GPC5: variants seen among roughly 807,000 people sequenced by gnomAD.
GPC5 encodes glypican-5.
Under a neutral mutation model 53.9 loss-of-function variants are expected in GPC5, and 47 were observed. The observed-to-expected ratio is 0.87, with a 90% CI of 0.69 to 1.11. GPC5 has a LOEUF of 1.11. GPC5 is among the 50% of genes most tolerant of loss of function. The probability of loss-of-function intolerance (pLI) is 0.00; values close to 1 mark genes in which losing one functional copy is unlikely to be tolerated. For missense variants in GPC5, 748 were observed against 713.1 expected, an observed-to-expected ratio of 1.05 and a Z score of -0.56; for synonymous variants, 286 against 263.3, an observed-to-expected ratio of 1.09 and a Z score of -0.84.
Position 92,375,172 on chromosome 13 carries a change from G to A in GPC5, c.1561+230183G>A, listed in dbSNP as rs559648073. The stretch of plus-strand genomic sequence containing the variant: ...TATATAGTCCTAAAGACTAGTGAGA[G>A]TATCTTTGGCTAAGGGAGCATCTTT... On this transcript the variant is annotated intron_variant, in intron 7 of 7. Coordinates refer to ENST00000377067, the MANE Select transcript of GPC5 (RefSeq NM_004466.6). Among the ~76,000 whole-genome samples the A allele has an allele frequency of 2.0e-5, 3 of 152,302 alleles. No individual in the cohort carries two copies. In the South Asian group the frequency reaches 6.2e-4, roughly 32 times the overall value.
intron 6 of GPC5, among the ~76,000 whole-genome samples, chr13:91,939,512 T>C (rs924509879): frequency 5.3e-5 from 8 of 152,160 alleles, no homozygotes; most frequent in Non-Finnish European, 1.0e-4. Context: ...CTCACAAATA[T>C]TAACACTTGG....
At chr13:91,937,766 G>A (rs942735403) in intron 6 of GPC5, among the ~76,000 whole-genome samples, 2 of 152,204 alleles carry the variant, frequency 1.3e-5, no homozygotes, top group African/African-American at 4.8e-5. Context: ...ATAAGTGGAA[G>A]CTAGAAAGAT....
rs1882925071 is a variant in GPC5, at chr13:91,476,291, A to G, written c.325+27369A>G. 3.3e-5 allele frequency among the ~76,000 whole-genome samples: 5 copies of G among 152,148 alleles called. No homozygotes were observed. The South Asian group carries it at 1.0e-3, about 32-fold the overall frequency. On this transcript the variant is annotated intron_variant, in intron 2 of 7. Transcript: ENST00000377067. ...CACCCCAAGTTTAAAACCCCAGTTG[A>G]CCTATCTTGTGCTGATAATCTTCGA...
At position 92,163,962 on chromosome 13, in the gene GPC5, T is replaced by C. The variant is rs1294692169; in HGVS notation, c.1561+18973T>C. Among the ~76,000 whole-genome samples, 7 of 152,114 alleles carry C rather than the reference T, an allele frequency of 4.6e-5. No individual in the cohort carries two copies. In the East Asian group the frequency reaches 5.8e-4, roughly 13 times the overall value. On this transcript the variant is annotated intron_variant, in intron 7 of 7. Coordinates refer to ENST00000377067, the MANE Select transcript of GPC5 (RefSeq NM_004466.6). Reference sequence around the variant, plus strand: ...GGGTGGCAGGAGAGAATGAGAGAAGTACAGAGCAAAGGTGGGAAAAGCCCC... The same window carrying C: ...GGGTGGCAGGAGAGAATGAGAGAAGCACAGAGCAAAGGTGGGAAAAGCCCC...
intron 7 of GPC5, among the ~76,000 whole-genome samples, chr13:92,860,014 T>C (rs758102341): frequency 2.0e-5 from 3 of 152,182 alleles, no homozygotes; most frequent in Non-Finnish European, 4.4e-5. Context: ...CCACTAATAA[T>C]TTATCTGATA....
At chr13:92,652,987 T>C (rs2139169175) in intron 7 of GPC5, among the ~76,000 whole-genome samples, 1 of 152,268 alleles carries the variant, frequency 6.6e-6, no homozygotes, top group Non-Finnish European at 1.5e-5. Flanking sequence ...AATGTGAGTT[T>C]GTGTAGTGTT....
At chr13:91,519,766 T>C (rs1885704789) in intron 2 of GPC5, among the ~76,000 whole-genome samples, 1 of 152,202 alleles carries the variant, frequency 6.6e-6, no homozygotes. Flanking sequence ...AGGATTTGTA[T>C]ATTGGGCAGG....
At chr13:92,563,575 T>C (rs1418227798) in intron 7 of GPC5, among the ~76,000 whole-genome samples, 1 of 152,042 alleles carries the variant, frequency 6.6e-6, no homozygotes, top group East Asian at 1.9e-4. Flanking sequence ...CAATAACATA[T>C]ATTAGTCTGT....
At chr13:91,898,851 A>C (rs921185379) in intron 5 of GPC5, among the ~76,000 whole-genome samples, 1 of 152,178 alleles carries the variant, frequency 6.6e-6, no homozygotes, top group Non-Finnish European at 1.5e-5. Flanking sequence ...AAAAAAATTC[A>C]GTTAAAATAT....
Position 91,398,902 on chromosome 13 carries a change from G to A in GPC5, c.-145G>A. ...AGCTAACTGCTCCCAGGTGAAGCCG[G>A]TGCCCGCGGGCGGTCCGTACACCCC... On this transcript the variant is annotated 5_prime_UTR_variant, in exon 1 of 8. It adds an upstream start codon to the 5' untranslated region. Transcript: ENST00000377067. 1 of 986,052 alleles carries A rather than the reference G, an allele frequency of 1.0e-6. No homozygotes were observed. 61.1% of individuals were successfully genotyped at this position (986,052 alleles called of 1,614,324 possible). A position where few individuals can be genotyped will look rare whatever the true frequency, so the allele number is the denominator to read the frequency against.
At chr13:91,927,236 AAG>A (rs1417309678) in intron 6 of GPC5, among the ~76,000 whole-genome samples, 9 of 152,160 alleles carry the variant, frequency 5.9e-5, no homozygotes, top group African/African-American at 1.9e-4. Flanking sequence ...TATTTTTGTT[AAG>A]ATTGGGTTAT....
intron 6 of GPC5, among the ~76,000 whole-genome samples, chr13:92,070,075 G>A (rs1399775979): frequency 6.6e-6 from 1 of 152,174 alleles, no homozygotes; most frequent in African/African-American, 2.4e-5. Context: ...AGATGGGGCA[G>A]GAGGGAAAGG....
chr13:92,418,212 GA>G (rs1346478069), intron 7 of GPC5, among the ~76,000 whole-genome samples: 1 of 152,014 alleles, frequency 6.6e-6, no homozygotes, highest in Non-Finnish European at 1.5e-5. Flanking sequence ...TTTTTGGGGT[GA>G]AAAAAATATG....
In GPC5 at chr13:91,863,652, T is replaced by C. The variant is rs371274088; in HGVS notation, c.1281-44285T>C. 4.6e-5 allele frequency among the ~76,000 whole-genome samples: 7 copies of C among 152,198 alleles called. No individual in the cohort carries two copies. In the South Asian group the frequency reaches 1.4e-3, roughly 31 times the overall value. ...TCCTGCTAGAACTGATTAAAGTCCA[T>C]GCATCCTCATTATCCAGAGGCGGTG... On this transcript the variant is annotated intron_variant, in intron 5 of 7. Transcript: ENST00000377067.
chr13:91,898,076 T>C (rs1180337875), intron 5 of GPC5, among the ~76,000 whole-genome samples: 2 of 152,244 alleles, frequency 1.3e-5, no homozygotes, highest in Non-Finnish European at 2.9e-5. Flanking sequence ...CCAAGTCATA[T>C]AACCAGGTCC....
chr13:91,786,734 A>G (rs1157392521), intron 5 of GPC5, among the ~76,000 whole-genome samples: 2 of 152,200 alleles, frequency 1.3e-5, no homozygotes, highest in Non-Finnish European at 1.5e-5. Context: ...GTTATATACA[A>G]TGTGAATTCA....
intron 5 of GPC5, among the ~76,000 whole-genome samples, chr13:91,773,235 A>C (rs181422426): frequency 6.6e-6 from 1 of 152,318 alleles, no homozygotes; most frequent in African/African-American, 2.4e-5. Context: ...ATAGAAATTA[A>C]TTATTTAAGC....
intron 6 of GPC5, among the ~76,000 whole-genome samples, chr13:92,135,429 TG>T (rs1367489682): frequency 2.0e-5 from 3 of 152,174 alleles, no homozygotes; most frequent in Non-Finnish European, 2.9e-5. Context: ...TGAACTCTCC[TG>T]GGAGGTCTAA....
chr13:92,065,460 G>A (rs2041160531), intron 6 of GPC5, among the ~76,000 whole-genome samples: 1 of 152,090 alleles, frequency 6.6e-6, no homozygotes, highest in Non-Finnish European at 1.5e-5. Flanking sequence ...TCCATGTTTA[G>A]CAAAGTTAAT....
Sources: allele counts gnomAD v4.1 joint callset (sites outside exome capture counted in the v4.1 genomes callset), GRCh38; gene constraint gnomAD v4.1.1; transcripts MANE v1.5; gene names NCBI Gene and HGNC (gene_info 2026-07-23, HGNC 2026-07-21).